TBC1D7: variants seen among roughly 807,000 people sequenced by gnomAD.
TBC1D7 encodes TBC1 domain family member 7, also known as TBC domain family 7.
Under a neutral mutation model 35.3 loss-of-function variants are expected in TBC1D7, and 33 were observed. The ratio of observed to expected loss-of-function variants is 0.93; its 90% CI spans 0.71 to 1.25. TBC1D7 has a LOEUF of 1.25. TBC1D7 is among the 50% of genes most tolerant of loss of function. The pLI is 0.00. For missense variants in TBC1D7, 362 were observed against 365.3 expected (o/e 0.99, Z 0.07); for synonymous variants, 135 against 129.5 (o/e 1.04, Z -0.29).
rs1783647436 is a variant in TBC1D7, at chr6:13,316,678, C to T, written c.412G>A (p.Ala138Thr). The change falls in exon 5 of 8, where the codon GCT becomes ACT. Residue 138 changes from alanine (A) to threonine (T), a missense_variant. Physicochemically the swap from Ala to Thr is moderately conservative, Grantham distance 58. Coordinates refer to ENST00000379300, the MANE Select transcript of TBC1D7 (RefSeq NM_016495.6). Reference sequence around the variant, plus strand: ...TCCACCATTTCCTCCATGGCTTTAGCTATGGCAAGAAACACTTCATCATCT... The same window carrying T: ...TCCACCATTTCCTCCATGGCTTTAGTTATGGCAAGAAACACTTCATCATCT... Reference protein sequence around the residue: ...EPDDEVFLAIAKAMEEMVEDS... With the variant: ...EPDDEVFLAITKAMEEMVEDS... 6.8e-6 allele frequency: 11 copies of T among 1,614,024 alleles called. No individual in the cohort carries two copies. Among genetic ancestry groups the T allele is most frequent in the Middle Eastern group, 1.6e-4 (1 of 6,062 alleles).
intron 2 of TBC1D7, among the ~76,000 whole-genome samples, chr6:13,326,548 T>C (rs898934673): frequency 2.0e-5 from 3 of 151,650 alleles, no homozygotes; most frequent in South Asian, 4.1e-4. Flanking sequence ...TGAAAACATA[T>C]GGGTTCAATA....
chr6:13,317,754 C>A (rs1783737625), intron 4 of TBC1D7, among the ~76,000 whole-genome samples: 1 of 152,224 alleles, frequency 6.6e-6, no homozygotes, highest in Non-Finnish European at 1.5e-5. Flanking sequence ...CTGCTCCTGA[C>A]CACTGACAGG....
At chr6:13,311,346 G>A (rs1394099410) in intron 5 of TBC1D7, among the ~76,000 whole-genome samples, 4 of 152,230 alleles carry the variant, frequency 2.6e-5, no homozygotes, top group African/African-American at 9.6e-5. Context: ...AAGCTTGTAA[G>A]GAGAGAGGCT....
chr6:13,320,777 T>A (rs1355403262), intron 4 of TBC1D7, 131 bp downstream of exon 4: 1 of 857,224 alleles, frequency 1.2e-6, no homozygotes. Context: ...CAAGTAAAGA[T>A]GTGTCACTTT....
rs561859986 is a variant in TBC1D7 at position 13,307,675 on chromosome 6, G to A, written c.590C>T (p.Ala197Val). Reference protein sequence around the residue: ...RLLTHLRMCSAAPKLPYDLWF... With the variant: ...RLLTHLRMCSVAPKLPYDLWF... ...GAGATCATAAGGAAGTTTGGGCGCC[G>A]CGGAACACATCCTCAGATGAGTCAG... Residue 197 changes from alanine (A) to valine (V), a missense_variant, in exon 6 of 8, where the codon GCG becomes GTG. Physicochemically the swap from Ala to Val is moderately conservative, Grantham distance 64 (BLOSUM62 0). Transcript: ENST00000379300. The A allele has an allele frequency of 1.0e-4, 167 of 1,614,052 alleles. 1 individual carries two copies. The South Asian group carries it at 1.5e-3, about 15-fold the overall frequency.
intron 3 of TBC1D7, among the ~76,000 whole-genome samples, chr6:13,324,116 T>C (rs1240603414): frequency 6.6e-6 from 1 of 150,584 alleles, no homozygotes; most frequent in African/African-American, 2.4e-5. Context: ...CTGTAAGTTT[T>C]TTTTTGTTTG....
In TBC1D7 at chr6:13,307,456, C is replaced by T. The variant is rs75573008; in HGVS notation, c.665+144G>A. The T allele has an allele frequency of 2.1e-3, 1,623 of 767,510 alleles. 23 individuals are homozygous for T. The African/African-American group carries it at 0.025, about 12-fold the overall frequency. 47.5% of individuals were successfully genotyped at this position (767,510 alleles called of 1,614,324 possible). A position where few individuals can be genotyped will look rare whatever the true frequency, so the allele number is the denominator to read the frequency against. The stretch of plus-strand genomic sequence containing the variant: ...ATTCAAGAATAAGCAGAATCATGTG[C>T]TGTTACGGTAGCTGCTGGAGGACTG... On this transcript the variant is annotated intron_variant, in intron 6 of 7. Transcript: ENST00000379300.
intron 3 of TBC1D7, among the ~76,000 whole-genome samples, chr6:13,323,426 C>T (rs1312596369): frequency 1.3e-5 from 2 of 152,036 alleles, no homozygotes; most frequent in Non-Finnish European, 2.9e-5. Flanking sequence ...TAGGCTGTAG[C>T]ACTCAAGAAG....
At chr6:13,324,058 A>G (rs1784237010) in intron 3 of TBC1D7, among the ~76,000 whole-genome samples, 1 of 152,164 alleles carries the variant, frequency 6.6e-6, no homozygotes, top group African/African-American at 2.4e-5. Flanking sequence ...ATCATAGTTT[A>G]TATTCTTCAG....
intron 4 of TBC1D7, among the ~76,000 whole-genome samples, chr6:13,317,573 A>G (rs1783723299): frequency 1.3e-5 from 2 of 152,238 alleles, no homozygotes; most frequent in African/African-American, 4.8e-5. Flanking sequence ...AAATGTCAAG[A>G]AAAACATAAT....
chr6:13,328,126 T>A (rs1424938290), intron 1 of TBC1D7, 170 bp downstream of exon 1: 3 of 152,238 alleles, frequency 2.0e-5, no homozygotes, highest in Non-Finnish European at 2.9e-5. Context: ...GGTCGGTCCC[T>A]GTTGTCTAAG....
chr6:13,321,086 G>A lies in TBC1D7; in HGVS notation c.203C>T (p.Pro68Leu), dbSNP rs757860352. The A allele has an allele frequency of 6.8e-6, 11 of 1,612,300 alleles. No individual in the cohort carries two copies. The South Asian group carries it at 1.1e-4, about 16-fold the overall frequency. The change falls in exon 4 of 8, where the codon CCT becomes CTT. Residue 68 changes from proline (P) to leucine (L), a missense_variant. Coordinates refer to ENST00000379300, the MANE Select transcript of TBC1D7 (RefSeq NM_016495.6). ...CTTGGCATGGGACTCGTGGTGTGGA[G>A]GCAAGATTCCTAGAGAGAACAGGAA... ...LVWKVLLGIL[P>L]PHHESHAKVM...
intron 7 of TBC1D7, 117 bp from the exon 8 acceptor site, chr6:13,305,304 G>A (rs1782734633): frequency 1.0e-6 from 1 of 970,828 alleles, no homozygotes; most frequent in African/African-American, 1.6e-5. Context: ...TTTTCAGAAA[G>A]TGACAGCATA....
intron 5 of TBC1D7, among the ~76,000 whole-genome samples, chr6:13,312,413 G>A (rs899438763): frequency 1.3e-5 from 2 of 152,114 alleles, no homozygotes; most frequent in African/African-American, 2.4e-5. Context: ...CAGGCCAGGC[G>A]TGGTGGCTCA....
chr6:13,325,199 T>A, intron 2 of TBC1D7, 25 bp from the exon 3 acceptor site: 1 of 1,540,386 alleles, frequency 6.5e-7, no homozygotes, highest in Non-Finnish European at 9.0e-7. Context: ...AAACAATTGT[T>A]AGAAGCTTTT....
At chr6:13,306,067 G>A in intron 7 of TBC1D7, 1 of 215,904 alleles carries the variant, frequency 4.6e-6, no homozygotes, top group South Asian at 5.9e-5. Flanking sequence ...TAACCCTCAG[G>A]CCAACTTTAG....
chr6:13,305,957 A>T (rs967213136), intron 7 of TBC1D7: 1 of 160,770 alleles, frequency 6.2e-6, no homozygotes, highest in African/African-American at 2.4e-5. Context: ...TTTTCCTGAC[A>T]TGCCTGCTGA....
chr6:13,316,677 GCTA>G lies in TBC1D7; in HGVS notation c.410_412del (p.Ile137_Ala138delinsThr). 6.2e-7 allele frequency: 1 copy of G among 1,614,082 alleles called. No homozygotes were observed. Among genetic ancestry groups the G allele is most frequent in the Non-Finnish European group, 8.5e-7 (1 of 1,180,006 alleles). ...TTCCACCATTTCCTCCATGGCTTTA[GCTA>G]TGGCAAGAAACACTTCATCATCTGG... On this transcript the variant is annotated inframe_deletion, in exon 5 of 8. Transcript: ENST00000379300.
chr6:13,323,095 G>A (rs372951181), intron 3 of TBC1D7, among the ~76,000 whole-genome samples: 3 of 152,198 alleles, frequency 2.0e-5, no homozygotes, highest in Admixed American at 2.0e-4. Flanking sequence ...TCTCATGCCT[G>A]TAATCCCAGC....
Sources: gnomAD v4.1 joint callset for allele counts (sites outside exome capture counted in the v4.1 genomes callset) on GRCh38, gnomAD v4.1.1 for gene constraint, MANE v1.5 for transcripts, NCBI Gene and HGNC (gene_info 2026-07-23, HGNC 2026-07-21) for gene names.